The following APOOL variants were observed in gnomAD, a reference collection of about 807,000 sequenced individuals.
The protein encoded by APOOL is MICOS complex subunit MIC27.
APOOL carries 12 observed loss-of-function variants against 23.1 expected under a neutral mutation model. The ratio of observed to expected loss-of-function variants is 0.52; its 90% confidence interval spans 0.33 to 0.84. The LOEUF (loss-of-function observed/expected upper bound fraction) is 0.84. Among genes scored for constraint, APOOL ranks in the 40% least tolerant of loss-of-function variants. APOOL has a pLI of 0.02. For synonymous variants in APOOL, 77 were observed against 69.9 expected, an observed-to-expected ratio of 1.10 and a Z score of -0.51; for missense variants, 212 against 199.6, an observed-to-expected ratio of 1.06 and a Z score of -0.37.
chrX:85,039,046 A>G (rs1171365019), intron 1 of APOOL, among the ~76,000 whole-genome samples: 1 of 110,715 alleles, frequency 9.0e-6, no homozygotes, highest in Admixed American at 9.7e-5. Context: ...TTTCAGTGCT[A>G]TAAACTTTCC....
At chrX:85,077,761 C>T (rs1923915804) in intron 8 of APOOL, among the ~76,000 whole-genome samples, 1 of 111,728 alleles carries the variant, frequency 9.0e-6, no homozygotes, top group Non-Finnish European at 1.9e-5. Context: ...ACATCCTCTC[C>T]AGCATCTGTT....
intron 5 of APOOL, among the ~76,000 whole-genome samples, chrX:85,063,808 A>G (rs1387171393): frequency 9.0e-6 from 1 of 111,134 alleles, no homozygotes; most frequent in Non-Finnish European, 1.9e-5. Context: ...TTCATCAGGA[A>G]TATTGGCCTG....
In APOOL at chrX:85,054,330, T is replaced by A; in HGVS notation, c.241-14T>A. 8.5e-7 allele frequency: 1 copy of A among 1,171,489 alleles called. No individual in the cohort carries two copies. Among genetic ancestry groups the A allele is most frequent in the Non-Finnish European group, 1.1e-6 (1 of 874,587 alleles). The stretch of plus-strand genomic sequence containing the variant: ...AAAAATGCAGATGTCTTCCCCCCCT[T>A]TTTTTTTGCTTAGGGTGTTTATGTC... On this transcript the variant is annotated splice_polypyrimidine_tract_variant and intron_variant, in intron 3 of 8. Transcript: ENST00000373173.
intron 3 of APOOL, among the ~76,000 whole-genome samples, chrX:85,052,506 A>C (rs951465906): frequency 8.9e-6 from 1 of 111,868 alleles, no homozygotes; most frequent in Non-Finnish European, 1.9e-5. Flanking sequence ...ATATAGCCTG[A>C]TGGTGAATCA....
Position 85,087,749 on chromosome X carries a change from A to T in APOOL, c.*71A>T. ...GCGTTGCAAATAATGATGAAAATAA[A>T]TCATGTAATGGGTAACTGATACATA... On this transcript the variant is annotated 3_prime_UTR_variant, in exon 9 of 9. Coordinates refer to ENST00000373173, the MANE Select transcript of APOOL (RefSeq NM_198450.6). 1 of 914,281 alleles carries T rather than the reference A, an allele frequency of 1.1e-6. No individual in the cohort carries two copies. Among genetic ancestry groups the T allele is most frequent in the East Asian group, 3.5e-5 (1 of 28,783 alleles). The allele number at this position is 914,281 out of a possible 1,213,427, so 75.3% of individuals were successfully genotyped here. A position where few individuals can be genotyped will look rare whatever the true frequency, so the allele number is the denominator to read the frequency against.
chrX:85,070,808 G>C (rs1226659775), intron 6 of APOOL, among the ~76,000 whole-genome samples: 1 of 105,545 alleles, frequency 9.5e-6, no homozygotes, highest in Non-Finnish European at 2.0e-5. Context: ...CTTCTATTCT[G>C]CGTATATGTC....
At chrX:85,025,240 C>G (rs1921799969) in intron 1 of APOOL, among the ~76,000 whole-genome samples, 1 of 111,367 alleles carries the variant, frequency 9.0e-6, no homozygotes, top group Non-Finnish European at 1.9e-5. Flanking sequence ...CACTCACTGT[C>G]ATGAAGACAA....
chrX:85,092,905 TA>T lies in APOOL; in HGVS notation c.*5232del. On this transcript the variant is annotated 3_prime_UTR_variant, in exon 9 of 9. Transcript: ENST00000373173. ...CATACTGTGAGCCTGTGTTTTTGAA[TA>T]AAAATGCTTTCTAATCTCCCTCCTT... 3.1e-6 allele frequency: 1 copy of T among 324,678 alleles called. No individual in the cohort carries two copies. The highest frequency in any genetic ancestry group is 5.4e-6 in the Non-Finnish European group (1 of 186,231). 26.8% of individuals were successfully genotyped at this position (324,678 alleles called of 1,213,427 possible). A position where few individuals can be genotyped will look rare whatever the true frequency, so the allele number is the denominator to read the frequency against.
chrX:85,019,219 T>C lies in APOOL; in HGVS notation c.15+15292T>C, dbSNP rs371090927. Among the ~76,000 whole-genome samples the C allele has an allele frequency of 1.4e-4, 16 of 111,729 alleles. No individual in the cohort carries two copies. The East Asian group carries it at 2.2e-3, about 16-fold the overall frequency. On this transcript the variant is annotated intron_variant, in intron 1 of 8. Transcript: ENST00000373173. ...TGTGGGTGTTCCCTTCAATTTTATA[T>C]GTTGGAAACTAATACCGTATGTGAC...
intron 1 of APOOL, among the ~76,000 whole-genome samples, chrX:85,045,671 G>A (rs1319965657): frequency 9.0e-6 from 1 of 111,562 alleles, no homozygotes; most frequent in Non-Finnish European, 1.9e-5. Flanking sequence ...TTTGGTACCT[G>A]AATAACACTA....
chrX:85,049,322 C>A (rs929532643), intron 2 of APOOL, among the ~76,000 whole-genome samples: 6 of 111,353 alleles, frequency 5.4e-5, no homozygotes, highest in African/African-American at 2.0e-4. Context: ...AGCTGAAATC[C>A]TATCATCATA....
In APOOL at chrX:85,091,705, G is replaced by A. The variant is rs1444698512; in HGVS notation, c.*4027G>A. 8.9e-6 allele frequency: 1 copy of A among 111,866 alleles called. No individual in the cohort carries two copies. Among genetic ancestry groups the A allele is most frequent in the Non-Finnish European group, 1.9e-5 (1 of 53,170 alleles). 9.2% of individuals were successfully genotyped at this position (111,866 alleles called of 1,213,427 possible). A position where few individuals can be genotyped will look rare whatever the true frequency, so the allele number is the denominator to read the frequency against. On this transcript the variant is annotated 3_prime_UTR_variant, in exon 9 of 9. Coordinates refer to ENST00000373173, the MANE Select transcript of APOOL (RefSeq NM_198450.6). ...AAAGAGCTATGGATGTTCAGAGATA[G>A]AATGTAGTACTGGGATGATGTCAAG...
intron 6 of APOOL, among the ~76,000 whole-genome samples, chrX:85,071,396 G>A (rs1412506784): frequency 1.8e-5 from 2 of 110,584 alleles, no homozygotes; most frequent in African/African-American, 6.6e-5. Context: ...GGATTGATAC[G>A]TGGTACAGGT....
rs762905098 is a variant in APOOL at position 85,039,951 on chromosome X, C to T, written c.16-6495C>T. On this transcript the variant is annotated intron_variant, in intron 1 of 8. Transcript: ENST00000373173. ...TTTGGTCCTGTCATCATGTTGTTAG[C>T]GGGTTAATATGCAGATTTGATTGTG... Among the ~76,000 whole-genome samples the T allele has an allele frequency of 1.3e-4, 14 of 111,673 alleles. No individual in the cohort carries two copies. In the South Asian group the frequency reaches 3.4e-3, roughly 27 times the overall value.
In APOOL at chrX:85,088,316, GTTTTTTTTTTTTTT is replaced by G. The variant is rs766497759; in HGVS notation, c.*654_*667del. ...TGTATGGAAAGGTGTGTTTCCCTCT[GTTTTTTTTTTTTTT>G]TTTTTTTTTTTTTTTCCCATTTCCT... On this transcript the variant is annotated 3_prime_UTR_variant, in exon 9 of 9. Coordinates refer to ENST00000373173, the MANE Select transcript of APOOL (RefSeq NM_198450.6). The G allele has an allele frequency of 1.8e-4, 4 of 22,528 alleles. No individual in the cohort carries two copies. The highest frequency in any genetic ancestry group is 8.9e-3 in the South Asian group (2 of 225). The allele number at this position is 22,528 out of a possible 1,213,427, so 1.9% of individuals were successfully genotyped here.
chrX:85,063,284 A>T (rs973466710), intron 5 of APOOL, among the ~76,000 whole-genome samples: 1 of 111,594 alleles, frequency 9.0e-6, no homozygotes, highest in Non-Finnish European at 1.9e-5. Flanking sequence ...GGTTTTCTAG[A>T]TATAGGGATC....
intron 1 of APOOL, among the ~76,000 whole-genome samples, chrX:85,016,595 C>A (rs2147474473): frequency 9.0e-6 from 1 of 111,296 alleles, no homozygotes; most frequent in Non-Finnish European, 1.9e-5. Flanking sequence ...TCCAGCAAGC[C>A]TGTCTATACA....
chrX:85,033,248 T>G (rs1922104116), intron 1 of APOOL, among the ~76,000 whole-genome samples: 1 of 112,234 alleles, frequency 8.9e-6, no homozygotes, highest in African/African-American at 3.2e-5. Context: ...TTCTGGTGCA[T>G]AGTAGGCGTT....
Position 85,029,069 on chromosome X carries a change from A to G in APOOL, c.16-17377A>G, listed in dbSNP as rs145618382. Among the ~76,000 whole-genome samples, 144 of 111,736 alleles carry G rather than the reference A, an allele frequency of 1.3e-3. 1 individual carries two copies. The highest frequency in any genetic ancestry group is 4.5e-3 in the African/African-American group (137 of 30,768). On this transcript the variant is annotated intron_variant, in intron 1 of 8. Transcript: ENST00000373173. ...TATCCAGCAGTGGGATTGCTGGATT[A>G]TATGGTAGCTCAATTTTTAGTTTTT... is the stretch of plus-strand genomic sequence containing the variant.
Sources: allele counts gnomAD v4.1 joint callset (sites outside exome capture counted in the v4.1 genomes callset), GRCh38; gene constraint gnomAD v4.1.1; transcripts MANE v1.5; gene names NCBI Gene and HGNC (gene_info 2026-07-23, HGNC 2026-07-21).